The following KCNIP3 variants were observed in gnomAD, a reference collection of about 807,000 sequenced individuals.
KCNIP3 encodes the protein potassium voltage-gated channel interacting protein 3.
Under a neutral mutation model 35.0 loss-of-function variants are expected in KCNIP3, and 28 were observed. The ratio of observed to expected loss-of-function variants is 0.80; its 90% confidence interval spans 0.59 to 1.10. The LOEUF (loss-of-function observed/expected upper bound fraction) is 1.10, where lower values mean the gene tolerates loss of function less well. KCNIP3 is among the 50% of genes least tolerant of loss of function. The probability of loss-of-function intolerance (pLI) is 0.00; values close to 1 mark genes in which losing one functional copy is unlikely to be tolerated. For synonymous variants in KCNIP3, 134 were observed against 133.8 expected, an observed-to-expected ratio of 1.00 and a Z score of -0.01; for missense variants, 295 against 338.4, an observed-to-expected ratio of 0.87 and a Z score of 1.01.
intron 2 of KCNIP3, among the ~76,000 whole-genome samples, chr2:95,367,402 A>G (rs1168957656): frequency 1.3e-5 from 2 of 152,236 alleles, no homozygotes; most frequent in African/African-American, 4.8e-5. Context: ...TGTATGTACA[A>G]AAAAACTCTT....
chr2:95,328,113 G>A (rs1162789487), intron 2 of KCNIP3, among the ~76,000 whole-genome samples: 1 of 152,186 alleles, frequency 6.6e-6, no homozygotes, highest in Non-Finnish European at 1.5e-5. Context: ...TCACCCCATG[G>A]GGACTTCACC....
chr2:95,317,023 C>T (rs1573485360), intron 2 of KCNIP3, among the ~76,000 whole-genome samples: 2 of 152,208 alleles, frequency 1.3e-5, no homozygotes, highest in South Asian at 2.1e-4. Flanking sequence ...GCAGAGGAAC[C>T]GCTTCCCACT....
chr2:95,334,004 C>T (rs886076045), intron 2 of KCNIP3, among the ~76,000 whole-genome samples: 3 of 152,232 alleles, frequency 2.0e-5, no homozygotes, highest in Non-Finnish European at 2.9e-5. Context: ...TGGCATCAAG[C>T]GTCCCAGATG....
At chr2:95,383,901 CAGTCGCTGCAGGCTCCG>C in intron 8 of KCNIP3, 84 bp from the exon 9 acceptor site, 1 of 968,770 alleles carries the variant, frequency 1.0e-6, no homozygotes. Flanking sequence ...GACAGACAGG[CAGTCGCTGCAGGCTCCG>C]AGTCCCTGGC....
At position 95,376,058 on chromosome 2, in the gene KCNIP3, G is replaced by A. The variant is rs1680178363; in HGVS notation, c.447+850G>A. Among the ~76,000 whole-genome samples the A allele has an allele frequency of 6.6e-6, 1 of 152,186 alleles. No homozygotes were observed. The highest frequency in any genetic ancestry group is 2.4e-5 in the African/African-American group (1 of 41,448). On this transcript the variant is annotated intron_variant, in intron 5 of 8. Coordinates refer to ENST00000295225, the MANE Select transcript of KCNIP3 (RefSeq NM_013434.5). This position sits in a 1 kb window ranked among gnomAD's most constrained non-coding sequence, Gnocchi z 4.2. ...CCGCAAGCCCGCCAGGCACACTGAC[G>A]CTCCCCGCCTGCCCTGTGACCACAG...
At chr2:95,312,481 TG>T (rs1389185924) in intron 2 of KCNIP3, 2 of 152,428 alleles carry the variant, frequency 1.3e-5, no homozygotes, top group African/African-American at 4.8e-5. Flanking sequence ...ACACGTTTGC[TG>T]AACAACTTGT....
intron 1 of KCNIP3, among the ~76,000 whole-genome samples, chr2:95,309,523 A>T (rs1353572570): frequency 1.3e-5 from 2 of 151,316 alleles, no homozygotes; most frequent in Admixed American, 6.6e-5. Flanking sequence ...TCCCGGGCTC[A>T]AGCAATTCTC....
intron 2 of KCNIP3, among the ~76,000 whole-genome samples, chr2:95,342,020 A>G (rs777775223): frequency 2.6e-5 from 4 of 152,098 alleles, no homozygotes; most frequent in Non-Finnish European, 4.4e-5. Context: ...TAGAGTGCAG[A>G]CCCCAAGGAT....
intron 8 of KCNIP3, among the ~76,000 whole-genome samples, chr2:95,383,696 A>G (rs1369485704): frequency 1.3e-5 from 2 of 152,078 alleles, no homozygotes; most frequent in Non-Finnish European, 2.9e-5. Context: ...CAGCGCCTCT[A>G]TTGCCCCACT....
intron 2 of KCNIP3, among the ~76,000 whole-genome samples, chr2:95,357,696 A>G (rs1679690302): frequency 6.6e-6 from 1 of 152,216 alleles, no homozygotes. Flanking sequence ...AGGGCTTCCC[A>G]TCATTAAATT....
Position 95,384,167 on chromosome 2 carries a change from G to T in KCNIP3, c.*118G>T. 9.5e-6 allele frequency: 5 copies of T among 527,602 alleles called. No homozygotes were observed. Among genetic ancestry groups the T allele is most frequent in the Non-Finnish European group, 1.0e-5 (3 of 289,888 alleles). The allele number at this position is 527,602 out of a possible 1,614,324, so 32.7% of individuals were successfully genotyped here. ...TAGATTTGCAAAAAGTGAACAGATT[G>T]CTACACACACACACACACACACACA... On this transcript the variant is annotated 3_prime_UTR_variant, in exon 9 of 9. Transcript: ENST00000295225.
intron 2 of KCNIP3, chr2:95,313,663 G>C (rs1176122052): frequency 1.3e-5 from 2 of 152,148 alleles, no homozygotes; most frequent in African/African-American, 4.8e-5. Flanking sequence ...TGTGGGACTT[G>C]GGTTTCTTCA....
chr2:95,332,912 C>T (rs1414280165), intron 2 of KCNIP3, among the ~76,000 whole-genome samples: 2 of 152,188 alleles, frequency 1.3e-5, no homozygotes, highest in Non-Finnish European at 2.9e-5. Flanking sequence ...ATCACAATTA[C>T]ATCCTTGGGG....
chr2:95,303,144 C>T (rs1252938717), intron 1 of KCNIP3: 2 of 152,224 alleles, frequency 1.3e-5, no homozygotes, highest in Non-Finnish European at 2.9e-5. Context: ...AGGGTTTCAC[C>T]TTGGCACACT....
intron 2 of KCNIP3, among the ~76,000 whole-genome samples, chr2:95,356,866 ACACAT>A (rs1442755421): frequency 6.6e-6 from 1 of 152,156 alleles, no homozygotes; most frequent in Non-Finnish European, 1.5e-5. Context: ...CCCCACAGCT[ACACAT>A]CACTACCTGT....
chr2:95,351,583 G>A (rs1407925063), intron 2 of KCNIP3, among the ~76,000 whole-genome samples: 1 of 152,226 alleles, frequency 6.6e-6, no homozygotes, highest in Non-Finnish European at 1.5e-5. Context: ...AGCTCCATTT[G>A]GACCTGGTAA....
At chr2:95,327,639 G>A (rs1416124447) in intron 2 of KCNIP3, among the ~76,000 whole-genome samples, 2 of 152,320 alleles carry the variant, frequency 1.3e-5, no homozygotes, top group Middle Eastern at 3.4e-3. Flanking sequence ...GCAGGTGCTG[G>A]TGCCCACACC....
intron 2 of KCNIP3, among the ~76,000 whole-genome samples, chr2:95,360,190 CAAAAAAA>C (rs35137501): frequency 1.2e-5 from 1 of 85,550 alleles, no homozygotes; most frequent in Non-Finnish European, 2.6e-5. Context: ...GACTCCGTCT[CAAAAAAA>C]AAAAAAAAAA....
intron 2 of KCNIP3, among the ~76,000 whole-genome samples, chr2:95,339,882 C>G (rs1679150306): frequency 6.6e-6 from 1 of 152,164 alleles, no homozygotes; most frequent in Admixed American, 6.5e-5. Context: ...AGGCTCTGTT[C>G]CATGCAGCCA....
Sources: gnomAD v4.1 joint callset for allele counts (sites outside exome capture counted in the v4.1 genomes callset) on GRCh38, gnomAD v4.1.1 for gene constraint, Gnocchi (gnomAD v3.1) non-coding constraint, MANE v1.5 for transcripts, NCBI Gene and HGNC (gene_info 2026-07-23, HGNC 2026-07-21) for gene names.